Variants in FABP12 observed in about 807,000 individuals in gnomAD.
The protein encoded by FABP12 is fatty acid binding protein 12.
In FABP12, 19 loss-of-function variants were observed where a neutral mutation model predicts 13.7. The ratio of observed to expected loss-of-function variants is 1.39; its 90% confidence interval spans 0.97 to 2.04. FABP12 has a LOEUF of 2.04. Among genes scored for constraint, FABP12 ranks in the 30% most tolerant of loss-of-function variants. FABP12 has a pLI of 0.00. For synonymous variants in FABP12, 61 were observed against 57.0 expected (o/e 1.07, Z -0.32); for missense variants, 182 against 164.2 (o/e 1.11, Z -0.59).
At chr8:81,543,194 A>G (rs996578648) in intron 1 of FABP12, among the ~76,000 whole-genome samples, 2 of 152,224 alleles carry the variant, frequency 1.3e-5, no homozygotes, top group Non-Finnish European at 2.9e-5. Context: ...TCATACATGT[A>G]CTTACGAAAC....
At chr8:81,559,850 C>T (rs182392827) in intron 1 of FABP12, among the ~76,000 whole-genome samples, 1 of 152,286 alleles carries the variant, frequency 6.6e-6, no homozygotes, top group East Asian at 1.9e-4. Flanking sequence ...GAGTCTAGCT[C>T]AGGAGGAAGC....
chr8:81,556,022 C>A (rs1809608854), intron 1 of FABP12, among the ~76,000 whole-genome samples: 1 of 152,000 alleles, frequency 6.6e-6, no homozygotes, highest in African/African-American at 2.4e-5. Flanking sequence ...ACAGATCATG[C>A]TTTTTTAATG....
At chr8:81,529,523 G>T (rs762735340) in exon 3 of FABP12, 2 of 1,613,878 alleles carry the variant, frequency 1.2e-6, no homozygotes, top group Middle Eastern at 1.7e-4. Context: ...GATGCTTTTG[G>T]TTTTTATTGT....
chr8:81,530,292 T>C (rs1357833885), intron 2 of FABP12, among the ~76,000 whole-genome samples: 1 of 152,192 alleles, frequency 6.6e-6, no homozygotes, highest in African/African-American at 2.4e-5. Flanking sequence ...AAATTTTCCA[T>C]GTCACTCTAT....
At chr8:81,586,278 A>G (rs1810236542) in intron 1 of FABP12, among the ~76,000 whole-genome samples, 4 of 152,128 alleles carry the variant, frequency 2.6e-5, no homozygotes, top group Admixed American at 2.6e-4. Flanking sequence ...GGTCTTTGTT[A>G]TTATCAAGAG....
chr8:81,552,831 G>A (rs1027439946), intron 1 of FABP12, among the ~76,000 whole-genome samples: 2 of 152,078 alleles, frequency 1.3e-5, no homozygotes, highest in African/African-American at 4.8e-5. Flanking sequence ...TCCAAGTTTT[G>A]GGCTTGGGAA....
intron 1 of FABP12, among the ~76,000 whole-genome samples, chr8:81,583,846 C>G (rs117642610): frequency 6.6e-6 from 1 of 152,004 alleles, no homozygotes. Flanking sequence ...TTATATAAGG[C>G]CAGCATTACC....
upstream of FABP12, among the ~76,000 whole-genome samples, chr8:81,536,096 C>T (rs1227213991): frequency 6.6e-6 from 1 of 152,142 alleles, no homozygotes; most frequent in Non-Finnish European, 1.5e-5. Context: ...AATGTGCTGC[C>T]ATCTGGCCCA....
At chr8:81,571,243 G>A (rs1194663619) in intron 1 of FABP12, among the ~76,000 whole-genome samples, 1 of 152,232 alleles carries the variant, frequency 6.6e-6, no homozygotes, top group Non-Finnish European at 1.5e-5. Flanking sequence ...AGGCACCTCC[G>A]AGCCTGCAAG....
intron 1 of FABP12, among the ~76,000 whole-genome samples, chr8:81,545,273 C>T (rs78153152): frequency 0.079 from 12,036 of 152,262 alleles, 739 homozygotes; most frequent in Admixed American, 0.19. Context: ...CCTCGTGCTC[C>T]ATTCTAATCT....
At chr8:81,528,270 G>A (rs1027190650) in intron 3 of FABP12, among the ~76,000 whole-genome samples, 1 of 151,990 alleles carries the variant, frequency 6.6e-6, no homozygotes, top group South Asian at 2.1e-4. Flanking sequence ...GTAGAGGCGG[G>A]ATCCTGCTAT....
chr8:81,532,753 A>G (rs926076519), intron 1 of FABP12, among the ~76,000 whole-genome samples: 1 of 152,262 alleles, frequency 6.6e-6, no homozygotes, highest in Non-Finnish European at 1.5e-5. Flanking sequence ...CCCAGGAAGC[A>G]GAGGTTGCAG....
intron 1 of FABP12, among the ~76,000 whole-genome samples, chr8:81,581,711 T>G (rs1258324156): frequency 1.3e-5 from 2 of 152,268 alleles, no homozygotes; most frequent in East Asian, 3.9e-4. Flanking sequence ...AGCCACAGAT[T>G]CCATACCCAG....
upstream of FABP12, among the ~76,000 whole-genome samples, chr8:81,534,438 C>G (rs1489639784): frequency 1.3e-5 from 2 of 152,132 alleles, no homozygotes; most frequent in African/African-American, 2.4e-5. Flanking sequence ...TTATATGTCC[C>G]TGGTCAAGCT....
intron 1 of FABP12, among the ~76,000 whole-genome samples, chr8:81,554,306 G>A (rs1346168259): frequency 6.6e-6 from 1 of 152,090 alleles, no homozygotes; most frequent in Admixed American, 6.5e-5. Flanking sequence ...TATATGCAAA[G>A]CTCTGTACTA....
At chr8:81,547,437 C>T (rs1035843677) in intron 1 of FABP12, among the ~76,000 whole-genome samples, 2 of 152,168 alleles carry the variant, frequency 1.3e-5, no homozygotes, top group Non-Finnish European at 2.9e-5. Flanking sequence ...CATTTGATCA[C>T]GTTCCAGTTT....
intron 3 of FABP12, among the ~76,000 whole-genome samples, chr8:81,528,511 G>C (rs1808969361): frequency 6.6e-6 from 1 of 152,150 alleles, no homozygotes; most frequent in African/African-American, 2.4e-5. Flanking sequence ...AACTATTACA[G>C]TGGCATGATA....
intron 1 of FABP12, among the ~76,000 whole-genome samples, chr8:81,551,893 G>C (rs1809528799): frequency 6.6e-6 from 1 of 152,038 alleles, no homozygotes; most frequent in South Asian, 2.1e-4. Context: ...ATTCATTCAT[G>C]TATTAATCAT....
Position 81,570,245 on chromosome 8 carries a change from C to T in FABP12, c.-185+19808G>A, listed in dbSNP as rs563809719. Among the ~76,000 whole-genome samples, 3 of 152,320 alleles carry T rather than the reference C, an allele frequency of 2.0e-5. No individual in the cohort carries two copies. In the South Asian group the frequency reaches 6.2e-4, roughly 32 times the overall value. Reference sequence around the variant, plus strand: ...TGAGGGAGCTCCCAGGTCTGGGATCCCCAAAGGGCTACAGATCTTCTCTCC... The same window carrying T: ...TGAGGGAGCTCCCAGGTCTGGGATCTCCAAAGGGCTACAGATCTTCTCTCC... On this transcript the variant is annotated intron_variant, in intron 1 of 5. Coordinates refer to the FABP12 transcript ENST00000692030.
Sources: allele counts gnomAD v4.1 joint callset (sites outside exome capture counted in the v4.1 genomes callset), GRCh38; gene constraint gnomAD v4.1.1; transcripts MANE v1.5; gene names NCBI Gene and HGNC (gene_info 2026-07-23, HGNC 2026-07-21).